Variants in PDGFC observed in about 807,000 individuals in gnomAD.
PDGFC encodes the protein platelet-derived growth factor C.
Under a neutral mutation model 35.5 loss-of-function variants are expected in PDGFC, and 12 were observed. That is an observed-to-expected ratio of 0.34 (90% CI 0.22 to 0.55). PDGFC has a LOEUF of 0.55. Ranked by LOEUF, PDGFC falls within the 20% of genes least tolerant of loss-of-function variation. The pLI is 0.91. For synonymous variants in PDGFC, 159 were observed against 148.8 expected (o/e 1.07, Z -0.50); for missense variants, 322 against 412.4 (o/e 0.78, Z 1.90).
rs796601601 is a variant in PDGFC at position 156,948,150 on chromosome 4, TA to T, written c.118+22635del. On this transcript the variant is annotated intron_variant, in intron 1 of 5. Coordinates refer to ENST00000502773, the MANE Select transcript of PDGFC (RefSeq NM_016205.3). ...TTCCAGATGTTTCCAACAAGTGTAC[TA>T]AAAAAAAAAAAAACCTCCCAGAATA... 8.7e-3 allele frequency among the ~76,000 whole-genome samples: 696 copies of T among 79,774 alleles called. 3 individuals carry two copies. The highest frequency in any genetic ancestry group is 0.019 in the African/African-American group (405 of 20,952). The allele number at this position is 79,774 out of a possible 152,430, so 52.3% of individuals were successfully genotyped here. A position where few individuals can be genotyped will look rare whatever the true frequency, so the allele number is the denominator to read the frequency against.
intron 1 of PDGFC, among the ~76,000 whole-genome samples, chr4:156,926,041 A>T (rs1489498406): frequency 9.6e-6 from 1 of 103,688 alleles, no homozygotes; most frequent in Non-Finnish European, 1.9e-5. Context: ...TGAAAGTAAG[A>T]TCTGTCTCAA....
intron 1 of PDGFC, among the ~76,000 whole-genome samples, chr4:156,897,513 C>T (rs1303017954): frequency 6.6e-6 from 1 of 152,106 alleles, no homozygotes; most frequent in African/African-American, 2.4e-5. Context: ...ATTAAACTGA[C>T]TGGGTGAGCC....
At chr4:156,950,593 C>A (rs922170389) in intron 1 of PDGFC, among the ~76,000 whole-genome samples, 1 of 151,786 alleles carries the variant, frequency 6.6e-6, no homozygotes, top group African/African-American at 2.4e-5. Flanking sequence ...TATGCCTTTT[C>A]TCCTGTTACT....
In PDGFC at chr4:156,930,530, C is replaced by T. The variant is rs562512413; in HGVS notation, c.118+40256G>A. On this transcript the variant is annotated intron_variant, in intron 1 of 5. Coordinates refer to ENST00000502773, the MANE Select transcript of PDGFC (RefSeq NM_016205.3). Reference sequence around the variant, plus strand: ...TGTAATTGAAAACAGAAATGAAATCCCATTATAAAGTTAAGACTCCTTATA... The same window carrying T: ...TGTAATTGAAAACAGAAATGAAATCTCATTATAAAGTTAAGACTCCTTATA... Among the ~76,000 whole-genome samples the T allele has an allele frequency of 5.3e-5, 8 of 152,206 alleles. No individual in the cohort carries two copies. In the South Asian group the frequency reaches 1.7e-3, roughly 32 times the overall value.
chr4:156,793,542 T>C (rs1167145667), intron 3 of PDGFC, among the ~76,000 whole-genome samples: 1 of 143,616 alleles, frequency 7.0e-6, no homozygotes, highest in African/African-American at 2.6e-5. Flanking sequence ...TGCATATATA[T>C]ATATATATAT....
At chr4:156,871,925 C>T (rs181244768) in intron 1 of PDGFC, among the ~76,000 whole-genome samples, 65 of 151,666 alleles carry the variant, frequency 4.3e-4, no homozygotes, top group Middle Eastern at 3.4e-3. Flanking sequence ...TACTAGATAA[C>T]GCTAAAGGCT....
At chr4:156,898,909 G>C (rs1730698318) in intron 1 of PDGFC, among the ~76,000 whole-genome samples, 1 of 152,138 alleles carries the variant, frequency 6.6e-6, no homozygotes, top group Non-Finnish European at 1.5e-5. Flanking sequence ...CACCTGCCTT[G>C]GTCTCCCAGT....
At chr4:156,874,889 G>C (rs186010244) in intron 1 of PDGFC, among the ~76,000 whole-genome samples, 99 of 151,722 alleles carry the variant, frequency 6.5e-4, no homozygotes, top group Admixed American at 2.6e-3. Flanking sequence ...GCTAATTTTT[G>C]TATTTTTTTG....
intron 2 of PDGFC, among the ~76,000 whole-genome samples, chr4:156,832,546 T>G (rs1728970125): frequency 6.6e-6 from 1 of 152,204 alleles, no homozygotes; most frequent in Non-Finnish European, 1.5e-5. Flanking sequence ...TCAGCCACCA[T>G]GCCTGGCCCA....
intron 1 of PDGFC, among the ~76,000 whole-genome samples, chr4:156,933,622 T>C (rs1459535551): frequency 6.6e-6 from 1 of 152,194 alleles, no homozygotes; most frequent in Non-Finnish European, 1.5e-5. Context: ...CACAAGGCTA[T>C]GATGTGCCTT....
intron 4 of PDGFC, among the ~76,000 whole-genome samples, chr4:156,769,759 T>C (rs1335643081): frequency 1.3e-5 from 2 of 152,000 alleles, no homozygotes; most frequent in Admixed American, 6.6e-5. Flanking sequence ...TTTTACCTGG[T>C]TTCATTTTGC....
At chr4:156,796,311 T>C in intron 3 of PDGFC, among the ~76,000 whole-genome samples, 1 of 152,154 alleles carries the variant, frequency 6.6e-6, no homozygotes. Context: ...TTTTATATAA[T>C]ATTTTTATTT....
At chr4:156,855,855 T>G (rs1335950828) in intron 1 of PDGFC, among the ~76,000 whole-genome samples, 1 of 152,158 alleles carries the variant, frequency 6.6e-6, no homozygotes. Flanking sequence ...TATATACACA[T>G]ATAGTTTCAC....
chr4:156,813,577 T>C (rs1731999107), intron 2 of PDGFC, among the ~76,000 whole-genome samples: 1 of 151,940 alleles, frequency 6.6e-6, no homozygotes, highest in Non-Finnish European at 1.5e-5. Flanking sequence ...GTACAATACA[T>C]AAGATGTAAA....
intron 1 of PDGFC, among the ~76,000 whole-genome samples, chr4:156,878,847 T>A (rs1341703869): frequency 6.6e-6 from 1 of 152,176 alleles, no homozygotes; most frequent in Non-Finnish European, 1.5e-5. Context: ...CTAACAGGGC[T>A]AGAGTTTTAG....
At chr4:156,821,223 G>C (rs901192224) in intron 2 of PDGFC, among the ~76,000 whole-genome samples, 1 of 151,554 alleles carries the variant, frequency 6.6e-6, no homozygotes, top group Non-Finnish European at 1.5e-5. Context: ...ATGTGTGTGA[G>C]AGAGTGTGAG....
chr4:156,874,212 A>G (rs1429596932), intron 1 of PDGFC, among the ~76,000 whole-genome samples: 4 of 152,242 alleles, frequency 2.6e-5, no homozygotes, highest in Admixed American at 2.6e-4. Flanking sequence ...ACAGATGATA[A>G]CATATAGCTG....
At chr4:156,925,444 G>A (rs572039965) in intron 1 of PDGFC, among the ~76,000 whole-genome samples, 1 of 152,256 alleles carries the variant, frequency 6.6e-6, no homozygotes, top group South Asian at 2.1e-4. Context: ...TGCAATCAGG[G>A]CAGATACAGA....
intron 1 of PDGFC, among the ~76,000 whole-genome samples, chr4:156,962,812 T>C (rs1395240153): frequency 6.6e-6 from 1 of 152,012 alleles, no homozygotes; most frequent in African/African-American, 2.4e-5. Flanking sequence ...GCATACTATC[T>C]GCAAACATTG....
Sources: allele counts gnomAD v4.1 joint callset (sites outside exome capture counted in the v4.1 genomes callset), GRCh38; gene constraint gnomAD v4.1.1; transcripts MANE v1.5; gene names NCBI Gene and HGNC (gene_info 2026-07-23, HGNC 2026-07-21).